COL23A1: variants seen among roughly 807,000 people sequenced by gnomAD.
COL23A1 encodes collagen type XXIII alpha 1 chain, also known as collagen alpha-1(XXIII) chain.
In COL23A1, 97 loss-of-function variants were observed where a neutral mutation model predicts 99.3. That is an observed-to-expected ratio of 0.98 (90% CI 0.83 to 1.16). The LOEUF (loss-of-function observed/expected upper bound fraction) is 1.16. Ranked by LOEUF, COL23A1 falls within the 50% of genes most tolerant of loss-of-function variation. The pLI, the probability that COL23A1 is intolerant of heterozygous loss-of-function variation, is 0.00. For missense variants in COL23A1, 762 were observed against 757.4 expected (o/e 1.01, Z -0.07); for synonymous variants, 320 against 308.2 (o/e 1.04, Z -0.40).
chr5:178,519,003 G>A lies in COL23A1; in HGVS notation c.361+41679C>T, dbSNP rs1215891418. Among the ~76,000 whole-genome samples, 11 of 150,104 alleles carry A rather than the reference G, an allele frequency of 7.3e-5. No individual in the cohort carries two copies. In the South Asian group the frequency reaches 1.7e-3, roughly 23 times the overall value. On this transcript the variant is annotated intron_variant, in intron 2 of 28. Coordinates refer to ENST00000390654, the MANE Select transcript of COL23A1 (RefSeq NM_173465.4). Reference sequence around the variant, plus strand: ...GCTGGGGCCCGCGGGCGTCAGCGCCGCGACTGTCCCGGCTCCGCACTGCCC... The same window carrying A: ...GCTGGGGCCCGCGGGCGTCAGCGCCACGACTGTCCCGGCTCCGCACTGCCC...
At chr5:178,328,190 C>T (rs1288535276) in intron 2 of COL23A1, among the ~76,000 whole-genome samples, 1 of 152,186 alleles carries the variant, frequency 6.6e-6, no homozygotes, top group African/African-American at 2.4e-5. Flanking sequence ...ATGTCTGGGG[C>T]CATCCTTCCT....
At chr5:178,476,577 C>T (rs781492527) in intron 2 of COL23A1, among the ~76,000 whole-genome samples, 3 of 152,194 alleles carry the variant, frequency 2.0e-5, no homozygotes, top group South Asian at 2.1e-4. Context: ...GAATACAAAG[C>T]GTGTGCGCTG....
intron 2 of COL23A1, among the ~76,000 whole-genome samples, chr5:178,515,731 C>A (rs547891152): frequency 6.6e-6 from 1 of 152,172 alleles, no homozygotes; most frequent in Non-Finnish European, 1.5e-5. Flanking sequence ...CAGCTTCCTG[C>A]ACACTCAGGG....
intron 2 of COL23A1, among the ~76,000 whole-genome samples, chr5:178,508,636 C>T (rs1457743465): frequency 6.6e-5 from 10 of 152,112 alleles, no homozygotes; most frequent in East Asian, 3.8e-4. Context: ...GGGGAGTTCC[C>T]GGGAGTTCTA....
intron 2 of COL23A1, among the ~76,000 whole-genome samples, chr5:178,442,322 G>A (rs1298156346): frequency 2.0e-5 from 3 of 152,104 alleles, no homozygotes; most frequent in African/African-American, 4.8e-5. Context: ...GCCTTTGACT[G>A]GTTTGTCCAA....
At chr5:178,360,023 G>A (rs546843453) in intron 2 of COL23A1, among the ~76,000 whole-genome samples, 3 of 152,150 alleles carry the variant, frequency 2.0e-5, no homozygotes, top group Non-Finnish European at 4.4e-5. Flanking sequence ...ACAAGCAGCC[G>A]CTCGCATCAT....
intron 2 of COL23A1, among the ~76,000 whole-genome samples, chr5:178,344,557 C>T (rs941175398): frequency 1.3e-5 from 2 of 152,118 alleles, no homozygotes; most frequent in Non-Finnish European, 2.9e-5. Context: ...CAACCAGAAT[C>T]GCTTGAACCT....
At chr5:178,382,413 G>GC (rs1392717459) in intron 2 of COL23A1, among the ~76,000 whole-genome samples, 2 of 150,220 alleles carry the variant, frequency 1.3e-5, no homozygotes, top group African/African-American at 2.4e-5. Context: ...TGTTGGAAAC[G>GC]CCCCTTCGCC....
Position 178,247,774 on chromosome 5 carries a change from C to T in COL23A1, c.1269+1G>A, listed in dbSNP as rs1444415283. 1.2e-6 allele frequency: 2 copies of T among 1,613,336 alleles called. No individual in the cohort carries two copies. Among genetic ancestry groups the T allele is most frequent in the African/African-American group, 1.3e-5 (1 of 74,902 alleles). On this transcript the variant is annotated splice_donor_variant, in intron 21 of 28. Transcript: ENST00000390654. LOFTEE classifies it high-confidence loss of function. ...ACCAAACCAAAGCAAACCGTCCTTA[C>T]CATCGGGCCTGGGGGGCCAGGGGGG...
intron 2 of COL23A1, among the ~76,000 whole-genome samples, chr5:178,419,448 G>A (rs1382981065): frequency 5.3e-5 from 8 of 152,152 alleles, no homozygotes; most frequent in African/African-American, 1.9e-4. Flanking sequence ...CCAGGCACTG[G>A]GCTCGGCACC....
intron 2 of COL23A1, among the ~76,000 whole-genome samples, chr5:178,495,850 A>G (rs1357551585): frequency 2.0e-5 from 3 of 152,190 alleles, no homozygotes; most frequent in Non-Finnish European, 2.9e-5. Context: ...CACCTTCCCT[A>G]TATTGAGTCT....
chr5:178,256,340 G>A lies in COL23A1; in HGVS notation c.882+13C>T. Reference sequence around the variant, plus strand: ...CTCATCCCTGAGGCCTCGCCTGAGGGGCGGCAGCTTACCCGGGGCCCTGCA... The same window carrying A: ...CTCATCCCTGAGGCCTCGCCTGAGGAGCGGCAGCTTACCCGGGGCCCTGCA... On this transcript the variant is annotated intron_variant, in intron 15 of 28. Coordinates refer to ENST00000390654, the MANE Select transcript of COL23A1 (RefSeq NM_173465.4). 1 of 1,596,000 alleles carries A rather than the reference G, an allele frequency of 6.3e-7. No individual in the cohort carries two copies. Among genetic ancestry groups the A allele is most frequent in the Non-Finnish European group, 8.5e-7 (1 of 1,169,638 alleles).
chr5:178,409,245 A>C (rs537049412), intron 2 of COL23A1, among the ~76,000 whole-genome samples: 2 of 152,354 alleles, frequency 1.3e-5, no homozygotes, highest in African/African-American at 4.8e-5. Context: ...AAATGAATGA[A>C]CTATTGATAC....
intron 9 of COL23A1, 63 bp from the exon 10 acceptor site, chr5:178,262,315 T>C (rs1765676932): frequency 6.6e-7 from 1 of 1,515,238 alleles, no homozygotes; most frequent in Non-Finnish European, 9.0e-7. Context: ...TGAGCCCAAA[T>C]CTCAGGCCAG....
intron 2 of COL23A1, among the ~76,000 whole-genome samples, chr5:178,325,379 C>T (rs1179806100): frequency 6.6e-6 from 1 of 152,234 alleles, no homozygotes; most frequent in Non-Finnish European, 1.5e-5. Context: ...CGCCCAGCTC[C>T]ACTTGCCCTC....
chr5:178,258,019 G>A (rs1458948818), intron 12 of COL23A1, among the ~76,000 whole-genome samples: 2 of 152,106 alleles, frequency 1.3e-5, no homozygotes, highest in Non-Finnish European at 2.9e-5. Flanking sequence ...GCCCCATGAT[G>A]GCACCTGTGA....
intron 3 of COL23A1, among the ~76,000 whole-genome samples, chr5:178,302,971 A>C (rs1332228889): frequency 6.6e-6 from 1 of 152,170 alleles, no homozygotes. Flanking sequence ...TAGTTTTCAC[A>C]AACAAGTACT....
intron 2 of COL23A1, among the ~76,000 whole-genome samples, chr5:178,353,739 T>G (rs1761461171): frequency 6.6e-6 from 1 of 152,122 alleles, no homozygotes; most frequent in Non-Finnish European, 1.5e-5. Flanking sequence ...TGGATGGGAA[T>G]CAGCGCTGTA....
Position 178,475,665 on chromosome 5 carries a change from G to C in COL23A1, c.361+85017C>G, listed in dbSNP as rs1581461158. 3.3e-5 allele frequency among the ~76,000 whole-genome samples: 5 copies of C among 152,282 alleles called. No homozygotes were observed. In the Middle Eastern group the frequency reaches 0.017, roughly 518 times the overall value. On this transcript the variant is annotated intron_variant, in intron 2 of 28. Transcript: ENST00000390654. ...TAAAGCTTAACTCACAGTTTCTATA[G>C]GTCACAAGTCTATGCTCAGGGTCAC...
Sources: gnomAD v4.1 joint callset for allele counts (sites outside exome capture counted in the v4.1 genomes callset) on GRCh38, gnomAD v4.1.1 for gene constraint, MANE v1.5 for transcripts, NCBI Gene and HGNC (gene_info 2026-07-23, HGNC 2026-07-21) for gene names.